RBFOX1: variants seen among roughly 807,000 people sequenced by gnomAD.
The protein encoded by RBFOX1 is RNA binding fox-1 homolog 1.
RBFOX1 carries 8 observed loss-of-function variants against 57.7 expected under a neutral mutation model. That is an observed-to-expected ratio of 0.14 (90% CI 0.08 to 0.25). RBFOX1 has a LOEUF of 0.25. RBFOX1 is among the 10% of genes least tolerant of loss of function. The pLI is 1.00. For missense variants in RBFOX1, 611 were observed against 548.5 expected (o/e 1.11, Z -1.14); for synonymous variants, 326 against 222.4 (o/e 1.47, Z -4.15).
intron 4 of RBFOX1, among the ~76,000 whole-genome samples, chr16:7,330,133 C>G (rs557623456): frequency 1.3e-5 from 2 of 152,170 alleles, no homozygotes; most frequent in African/African-American, 4.8e-5. Flanking sequence ...ACAGTCATCC[C>G]TCAATATGGT....
chr16:5,489,644 T>A (rs1191376428), intron 2 of RBFOX1, among the ~76,000 whole-genome samples: 1 of 152,210 alleles, frequency 6.6e-6, no homozygotes, highest in East Asian at 1.9e-4. Context: ...CTATAATTAT[T>A]ATTGCAGGAG....
chr16:6,529,994 A>G (rs1487356110), intron 2 of RBFOX1, among the ~76,000 whole-genome samples: 3 of 152,108 alleles, frequency 2.0e-5, no homozygotes, highest in Non-Finnish European at 2.9e-5. Flanking sequence ...GTTATTAGAT[A>G]TAGTCTCAAT....
rs935512155 is a variant in RBFOX1, at chr16:5,504,785, G to A, written c.258+37531G>A. 2.0e-5 allele frequency among the ~76,000 whole-genome samples: 3 copies of A among 152,300 alleles called. No homozygotes were observed. The East Asian group carries it at 5.8e-4, about 29-fold the overall frequency. On this transcript the variant is annotated intron_variant, in intron 2 of 2. Coordinates refer to the RBFOX1 transcript ENST00000585867. ...TTCAGAGGAGGATGCGGAGGCTTGG[G>A]AAGACCAAGGGAGTAACTGGCCATG...
chr16:5,750,287 GC>G (rs1398895477), intron 3 of RBFOX1, among the ~76,000 whole-genome samples: 3 of 152,206 alleles, frequency 2.0e-5, no homozygotes, highest in African/African-American at 7.2e-5. Flanking sequence ...CTGTGGGGGT[GC>G]CTCCCAGTTA....
At chr16:6,670,442 T>A (rs1407247574) in intron 3 of RBFOX1, among the ~76,000 whole-genome samples, 1 of 152,158 alleles carries the variant, frequency 6.6e-6, no homozygotes, top group African/African-American at 2.4e-5. Flanking sequence ...ATTCATAAGT[T>A]GACAAATCTT....
chr16:5,259,372 A>G (rs927337731), intron 1 of RBFOX1, among the ~76,000 whole-genome samples: 1 of 152,210 alleles, frequency 6.6e-6, no homozygotes, highest in Admixed American at 6.5e-5. Flanking sequence ...TCATGCAGCC[A>G]GCCTGGCTCT....
At chr16:5,932,726 G>A (rs948176956) in intron 4 of RBFOX1, among the ~76,000 whole-genome samples, 9 of 152,138 alleles carry the variant, frequency 5.9e-5, no homozygotes, top group South Asian at 4.1e-4. Flanking sequence ...TCTTGTTTAC[G>A]TGCATTTCCC....
intron 1 of RBFOX1, among the ~76,000 whole-genome samples, chr16:5,462,872 A>G (rs1333447788): frequency 6.6e-6 from 1 of 152,156 alleles, no homozygotes; most frequent in Non-Finnish European, 1.5e-5. Context: ...CAGGCATGGG[A>G]CGAGCCCCAC....
intron 3 of RBFOX1, among the ~76,000 whole-genome samples, chr16:6,844,273 C>T (rs2093643778): frequency 1.3e-5 from 2 of 151,892 alleles, no homozygotes; most frequent in Admixed American, 1.3e-4. Flanking sequence ...GGTACCATGG[C>T]AGTTTGCTGC....
At chr16:6,843,354 A>AG (rs1163228691) in intron 3 of RBFOX1, among the ~76,000 whole-genome samples, 1 of 152,102 alleles carries the variant, frequency 6.6e-6, no homozygotes, top group East Asian at 1.9e-4. Flanking sequence ...AGGAAAAAAA[A>AG]AAATTCCTTA....
At chr16:6,922,784 A>G (rs1421851025) in intron 3 of RBFOX1, among the ~76,000 whole-genome samples, 4 of 152,188 alleles carry the variant, frequency 2.6e-5, no homozygotes, top group Non-Finnish European at 5.9e-5. Context: ...TGTGAGTAAT[A>G]AATCAGGAGG....
chr16:5,755,516 A>T (rs575954422), intron 3 of RBFOX1, among the ~76,000 whole-genome samples: 13 of 152,334 alleles, frequency 8.5e-5, no homozygotes, highest in African/African-American at 3.1e-4. Flanking sequence ...GCTGTGACTT[A>T]AAGGGCCTTG....
At chr16:6,839,197 C>A (rs1244354661) in intron 3 of RBFOX1, among the ~76,000 whole-genome samples, 1 of 150,680 alleles carries the variant, frequency 6.6e-6, no homozygotes, top group African/African-American at 2.4e-5. Context: ...GTTGGCCAGG[C>A]TGTTCTCGAA....
At chr16:7,221,485 G>C (rs1416403869) in intron 4 of RBFOX1, among the ~76,000 whole-genome samples, 1 of 152,048 alleles carries the variant, frequency 6.6e-6, no homozygotes, top group Non-Finnish European at 1.5e-5. Context: ...TCCTGCCTCA[G>C]CTTCCAGAGT....
chr16:6,808,193 T>G (rs1208971109), intron 3 of RBFOX1, among the ~76,000 whole-genome samples: 1 of 151,032 alleles, frequency 6.6e-6, no homozygotes. Context: ...TATATATATA[T>G]ATATATAGTT....
intron 5 of RBFOX1, among the ~76,000 whole-genome samples, chr16:7,542,274 C>G (rs536484918): frequency 4.3e-4 from 66 of 152,220 alleles, no homozygotes; most frequent in Admixed American, 3.3e-3. Flanking sequence ...AGCAGCCAAC[C>G]TCCTCTGATA....
chr16:7,373,245 C>T (rs1230234601), intron 4 of RBFOX1, among the ~76,000 whole-genome samples: 1 of 152,094 alleles, frequency 6.6e-6, no homozygotes, highest in Non-Finnish European at 1.5e-5. Flanking sequence ...AATTGCATTA[C>T]TTTTAATTCT....
intron 3 of RBFOX1, among the ~76,000 whole-genome samples, chr16:6,965,814 A>T (rs1281346676): frequency 6.6e-6 from 1 of 152,152 alleles, no homozygotes; most frequent in East Asian, 1.9e-4. Flanking sequence ...TCAGTCTTTT[A>T]ATCTGTACTG....
chr16:6,922,825 T>C (rs1171369024), intron 3 of RBFOX1, among the ~76,000 whole-genome samples: 1 of 152,182 alleles, frequency 6.6e-6, no homozygotes, highest in Non-Finnish European at 1.5e-5. Flanking sequence ...GATTGTGTGA[T>C]GATGGTGTCA....
Sources: gnomAD v4.1 joint callset for allele counts (sites outside exome capture counted in the v4.1 genomes callset) on GRCh38, gnomAD v4.1.1 for gene constraint, MANE v1.5 for transcripts, NCBI Gene and HGNC (gene_info 2026-07-23, HGNC 2026-07-21) for gene names.